Variants in KIFAP3 observed in about 807,000 individuals in gnomAD.
The protein encoded by KIFAP3 is kinesin associated protein 3.
Under a neutral mutation model 106.5 loss-of-function variants are expected in KIFAP3, and 68 were observed. The ratio of observed to expected loss-of-function variants is 0.64; its 90% CI spans 0.53 to 0.78. The LOEUF is 0.78. Ranked by LOEUF, KIFAP3 falls within the 30% of genes least tolerant of loss-of-function variation. KIFAP3 has a pLI of 0.00. For synonymous variants in KIFAP3, 320 were observed against 311.5 expected (o/e 1.03, Z -0.29); for missense variants, 780 against 941.8 (o/e 0.83, Z 2.25).
intron 18 of KIFAP3, chr1:169,957,950 G>T (rs564681977): frequency 1.3e-5 from 2 of 152,198 alleles, no homozygotes; most frequent in East Asian, 3.9e-4. Context: ...AAAGAGACAG[G>T]GTCTTGCTAT....
upstream of KIFAP3, among the ~76,000 whole-genome samples, chr1:170,076,502 TAAAAA>T (rs535274845): frequency 6.6e-6 from 1 of 150,980 alleles, no homozygotes; most frequent in East Asian, 1.9e-4. Flanking sequence ...ATTAAATAAA[TAAAAA>T]AAAGAAATCC....
At chr1:170,044,671 A>C (rs2102079339) in intron 3 of KIFAP3, among the ~76,000 whole-genome samples, 1 of 152,246 alleles carries the variant, frequency 6.6e-6, no homozygotes, top group African/African-American at 2.4e-5. Context: ...TGATCATGCT[A>C]CTTGGGAAAT....
chr1:169,948,923 A>T (rs900138882), intron 19 of KIFAP3, among the ~76,000 whole-genome samples: 1 of 152,044 alleles, frequency 6.6e-6, no homozygotes, highest in African/African-American at 2.4e-5. Context: ...TGCTTTCTCA[A>T]GGGAAAAAAA....
At chr1:169,961,647 C>T (rs1215723526) in intron 17 of KIFAP3, among the ~76,000 whole-genome samples, 1 of 152,058 alleles carries the variant, frequency 6.6e-6, no homozygotes, top group Non-Finnish European at 1.5e-5. Context: ...TCTGCCACCC[C>T]TGAGACAGCA....
At chr1:170,021,859 T>A (rs1668847815) in intron 9 of KIFAP3, among the ~76,000 whole-genome samples, 1 of 151,952 alleles carries the variant, frequency 6.6e-6, no homozygotes, top group Admixed American at 6.6e-5. Flanking sequence ...TCTTTTTGGT[T>A]GATAAAAACC....
chr1:170,001,920 A>G (rs183243880), intron 10 of KIFAP3, among the ~76,000 whole-genome samples: 2 of 152,288 alleles, frequency 1.3e-5, no homozygotes, highest in East Asian at 3.9e-4. Flanking sequence ...TTGGTAAATT[A>G]AAAGTTAGAT....
chr1:169,932,113 CT>C (rs1663520275), intron 19 of KIFAP3, among the ~76,000 whole-genome samples: 1 of 152,158 alleles, frequency 6.6e-6, no homozygotes, highest in Admixed American at 6.6e-5. Flanking sequence ...CTTAAAACCT[CT>C]TGGATTACTC....
At chr1:170,024,928 T>C (rs921331386) in intron 8 of KIFAP3, among the ~76,000 whole-genome samples, 2 of 152,026 alleles carry the variant, frequency 1.3e-5, no homozygotes, top group Non-Finnish European at 2.9e-5. Context: ...TAAAGGTAGA[T>C]AAGTCAGGAA....
chr1:170,074,481 G>A lies in KIFAP3; in HGVS notation c.-14C>T, dbSNP rs776905186. ...CTCCCCTTGCATGGCGGCAGCGGCA[G>A]CGGCGTGGAGAGGATGGGGTATCTT... On this transcript the variant is annotated 5_prime_UTR_variant, in exon 1 of 20. Coordinates refer to ENST00000361580, the MANE Select transcript of KIFAP3 (RefSeq NM_014970.4). 1 of 1,613,986 alleles carries A rather than the reference G, an allele frequency of 6.2e-7. No homozygotes were observed. Among genetic ancestry groups the A allele is most frequent in the Non-Finnish European group, 8.5e-7 (1 of 1,179,952 alleles).
At chr1:170,028,346 CT>C (rs57129173) in intron 8 of KIFAP3, among the ~76,000 whole-genome samples, 34 of 151,638 alleles carry the variant, frequency 2.2e-4, no homozygotes, top group Non-Finnish European at 5.9e-5. Context: ...TTGTTTTTGG[CT>C]TTTTTTTCTG....
At chr1:170,074,395 C>A in intron 1 of KIFAP3, 41 bp downstream of exon 1, 1 of 1,609,970 alleles carries the variant, frequency 6.2e-7, no homozygotes, top group African/African-American at 1.3e-5. Flanking sequence ...TCTTCAGGGC[C>A]CTGGCAAGGA....
At chr1:170,002,695 TAAGA>T (rs999297400) in intron 10 of KIFAP3, among the ~76,000 whole-genome samples, 7 of 152,210 alleles carry the variant, frequency 4.6e-5, no homozygotes, top group Non-Finnish European at 1.0e-4. Flanking sequence ...AAGATAACTT[TAAGA>T]AATATGTCAG....
chr1:170,016,410 A>G lies in KIFAP3; in HGVS notation c.1183+52T>C, dbSNP rs915645983. The stretch of plus-strand genomic sequence containing the variant: ...TTTTCAACACAGAGCTCAATTTTCC[A>G]GCGATGTTGGAAATTCCAGACAACA... On this transcript the variant is annotated intron_variant, in intron 10 of 19. Coordinates refer to ENST00000361580, the MANE Select transcript of KIFAP3 (RefSeq NM_014970.4). The G allele has an allele frequency of 6.8e-6, 10 of 1,461,180 alleles. No individual in the cohort carries two copies. The Middle Eastern group carries it at 5.2e-4, about 76-fold the overall frequency. 90.5% of individuals were successfully genotyped at this position (1,461,180 alleles called of 1,614,324 possible).
At chr1:170,044,188 T>C (rs931314109) in intron 3 of KIFAP3, among the ~76,000 whole-genome samples, 2 of 152,192 alleles carry the variant, frequency 1.3e-5, no homozygotes, top group Non-Finnish European at 2.9e-5. Context: ...TGTAAAGTAA[T>C]TGTGTATTCT....
intron 9 of KIFAP3, 78 bp downstream of exon 9, chr1:170,024,340 G>C (rs1669006164): frequency 2.4e-6 from 2 of 846,326 alleles, no homozygotes; most frequent in Admixed American, 5.7e-5. Context: ...GGGGAATAAA[G>C]TGTTTAATTT....
At chr1:170,060,022 T>C (rs567439046) in intron 1 of KIFAP3, among the ~76,000 whole-genome samples, 21 of 152,108 alleles carry the variant, frequency 1.4e-4, no homozygotes, top group African/African-American at 5.1e-4. Flanking sequence ...TATATCAAAA[T>C]AGTCAGAGCT....
intron 1 of KIFAP3, among the ~76,000 whole-genome samples, chr1:170,059,089 C>T (rs1015847590): frequency 3.9e-5 from 6 of 152,022 alleles, no homozygotes; most frequent in East Asian, 1.9e-4. Context: ...AATTGGCATC[C>T]TAACATCACA....
At position 170,046,764 on chromosome 1, in the gene KIFAP3, T is replaced by C. The variant is rs752890204; in HGVS notation, c.267A>G (p.Val89=). The C allele has an allele frequency of 9.9e-6, 16 of 1,608,364 alleles. No homozygotes were observed. The highest frequency in any genetic ancestry group is 1.3e-5 in the African/African-American group (1 of 74,652). The change falls in exon 3 of 20, where the codon GTA becomes GTG. Residue 89 remains valine, a synonymous_variant. Transcript: ENST00000361580. ...KLIHPSKLNE[V]EQLLYYLQNR... ...TCTGTAGATAGTACAACAGCTGTTCTACCTCATTTAGTTTTGAAGGATGAA... is the reference window on the plus strand; with the variant it reads ...TCTGTAGATAGTACAACAGCTGTTCCACCTCATTTAGTTTTGAAGGATGAA...
Position 169,956,734 on chromosome 1 carries a change from T to C in KIFAP3, c.2174-2624A>G, listed in dbSNP as rs925771598. Among the ~76,000 whole-genome samples, 54 of 151,574 alleles carry C rather than the reference T, an allele frequency of 3.6e-4. 1 individual carries two copies. Among genetic ancestry groups the C allele is most frequent in the Non-Finnish European group, 1.5e-4 (10 of 67,904 alleles). ...GGTTCAAGTGATCCTCCTGAGTAGC[T>C]GGGACTACAGGGATGTGTACCACCA... On this transcript the variant is annotated intron_variant, in intron 18 of 19. Transcript: ENST00000361580.
Sources: gnomAD v4.1 joint callset for allele counts (sites outside exome capture counted in the v4.1 genomes callset) on GRCh38, gnomAD v4.1.1 for gene constraint, MANE v1.5 for transcripts, NCBI Gene and HGNC (gene_info 2026-07-23, HGNC 2026-07-21) for gene names.